The following FBXL7 variants were observed in gnomAD, a reference collection of about 807,000 sequenced individuals.
FBXL7 encodes F-box/LRR-repeat protein 7.
Under a neutral mutation model 38.3 loss-of-function variants are expected in FBXL7, and 12 were observed. That is an observed-to-expected ratio of 0.31 (90% CI 0.20 to 0.51). FBXL7 has a LOEUF of 0.51. FBXL7 is among the 20% of genes least tolerant of loss of function. The probability of loss-of-function intolerance (pLI) is 0.98; values close to 1 mark genes in which losing one functional copy is unlikely to be tolerated. For missense variants in FBXL7, 567 were observed against 676.4 expected (o/e 0.84, Z 1.79); for synonymous variants, 297 against 300.9 (o/e 0.99, Z 0.13).
chr5:15,720,123 G>A (rs1302375580), intron 2 of FBXL7, among the ~76,000 whole-genome samples: 1 of 149,052 alleles, frequency 6.7e-6, no homozygotes, highest in Non-Finnish European at 1.5e-5. Flanking sequence ...GCGTAAAATA[G>A]GATGTTAGCA....
At chr5:15,507,138 T>C (rs531009442) in intron 1 of FBXL7, among the ~76,000 whole-genome samples, 7 of 152,136 alleles carry the variant, frequency 4.6e-5, no homozygotes, top group East Asian at 3.9e-4. Context: ...GCCTGACTTA[T>C]TGGATATGTG....
chr5:15,854,860 G>T (rs958470957), intron 2 of FBXL7, among the ~76,000 whole-genome samples: 37 of 152,024 alleles, frequency 2.4e-4, no homozygotes, highest in African/African-American at 8.7e-4. Flanking sequence ...TAAACTATTC[G>T]ATCATAACAG....
chr5:15,578,429 T>C (rs911806476), intron 1 of FBXL7, among the ~76,000 whole-genome samples: 11 of 152,144 alleles, frequency 7.2e-5, no homozygotes, highest in Admixed American at 3.9e-4. Flanking sequence ...CAAAAAGACA[T>C]TGGGAGTCTG....
At chr5:15,876,438 T>A (rs1579556261) in intron 2 of FBXL7, among the ~76,000 whole-genome samples, 1 of 152,294 alleles carries the variant, frequency 6.6e-6, no homozygotes, top group East Asian at 1.9e-4. Flanking sequence ...TTAAACTAGA[T>A]ACTTATTATG....
chr5:15,621,356 A>G (rs1432064350), intron 2 of FBXL7, among the ~76,000 whole-genome samples: 1 of 152,182 alleles, frequency 6.6e-6, no homozygotes, highest in African/African-American at 2.4e-5. Context: ...ACATTCCAAC[A>G]TTGTAAGACA....
At chr5:15,752,391 T>C (rs1736178413) in intron 2 of FBXL7, among the ~76,000 whole-genome samples, 1 of 152,052 alleles carries the variant, frequency 6.6e-6, no homozygotes, top group African/African-American at 2.4e-5. Context: ...CAGAGCTAAG[T>C]TGGTGAGAAA....
intron 2 of FBXL7, among the ~76,000 whole-genome samples, chr5:15,753,052 T>G (rs1024896759): frequency 3.9e-5 from 6 of 152,168 alleles, no homozygotes; most frequent in Non-Finnish European, 7.3e-5. Context: ...CAAGAAGCAC[T>G]TGGCTACTCT....
Position 15,928,204 on chromosome 5 carries a change from G to T in FBXL7, c.442G>T (p.Ala148Ser), listed in dbSNP as rs1741941730. Residue 148 changes from alanine to serine, a missense_variant, in exon 3 of 4, where the codon GCC becomes TCC. Transcript: ENST00000504595. The surrounding 1 kb of genome is among the most constrained non-coding windows in gnomAD (Gnocchi z 4.0). ...ARVCRRWYNL[A>S]WDPRLWRTIR... ...AGTGTGCCGCCGCTGGTACAACCTG[G>T]CCTGGGACCCGCGGCTCTGGAGGAC... The T allele has an allele frequency of 6.2e-7, 1 of 1,610,060 alleles. No individual in the cohort carries two copies. Among genetic ancestry groups the T allele is most frequent in the African/African-American group, 1.3e-5 (1 of 74,838 alleles).
At chr5:15,503,356 G>A (rs541834694) in intron 1 of FBXL7, among the ~76,000 whole-genome samples, 1 of 152,288 alleles carries the variant, frequency 6.6e-6, no homozygotes, top group African/African-American at 2.4e-5. Flanking sequence ...GGGAGGCGGA[G>A]GTTGCAGTAA....
intron 2 of FBXL7, among the ~76,000 whole-genome samples, chr5:15,650,939 A>C (rs1260589945): frequency 6.6e-6 from 1 of 150,816 alleles, no homozygotes; most frequent in Non-Finnish European, 1.5e-5. Flanking sequence ...CTTCTTCCAA[A>C]CTCCTGTTAA....
At position 15,894,067 on chromosome 5, in the gene FBXL7, G is replaced by A. The variant is rs575278675; in HGVS notation, c.128-33823G>A. On this transcript the variant is annotated intron_variant, in intron 2 of 3. Transcript: ENST00000504595. ...CTTTGGGAGGCCAAGGCGGGCGGTC[G>A]GGAGTTCAAGACCAGCCTGACCAAC... Among the ~76,000 whole-genome samples, 11 of 152,288 alleles carry A rather than the reference G, an allele frequency of 7.2e-5. No individual in the cohort carries two copies. The South Asian group carries it at 1.7e-3, about 23-fold the overall frequency.
intron 2 of FBXL7, among the ~76,000 whole-genome samples, chr5:15,670,672 G>A (rs1340137560): frequency 1.3e-5 from 2 of 152,114 alleles, no homozygotes; most frequent in East Asian, 3.9e-4. Flanking sequence ...GCAATGGCAT[G>A]TGCCTGTATT....
intron 2 of FBXL7, among the ~76,000 whole-genome samples, chr5:15,925,280 C>T (rs2126453326): frequency 6.6e-6 from 1 of 152,292 alleles, no homozygotes; most frequent in African/African-American, 2.4e-5. Flanking sequence ...GGGAAGGGAT[C>T]CTATCCCAAA....
At chr5:15,688,861 T>C (rs1468499454) in intron 2 of FBXL7, among the ~76,000 whole-genome samples, 2 of 152,300 alleles carry the variant, frequency 1.3e-5, no homozygotes, top group East Asian at 3.9e-4. Context: ...GAGTTTTGTT[T>C]AATGATGTAC....
At chr5:15,902,322 G>A (rs1460789621) in intron 2 of FBXL7, among the ~76,000 whole-genome samples, 2 of 152,150 alleles carry the variant, frequency 1.3e-5, no homozygotes, top group South Asian at 2.1e-4. Context: ...TCCACAGTAC[G>A]GAGTGCCAAA....
intron 2 of FBXL7, among the ~76,000 whole-genome samples, chr5:15,727,027 T>A (rs955169490): frequency 6.6e-6 from 1 of 152,170 alleles, no homozygotes; most frequent in African/African-American, 2.4e-5. Flanking sequence ...CCATAAGGAT[T>A]ACATTTAACA....
At chr5:15,900,368 G>T (rs907043097) in intron 2 of FBXL7, among the ~76,000 whole-genome samples, 18 of 152,054 alleles carry the variant, frequency 1.2e-4, no homozygotes, top group African/African-American at 4.3e-4. Flanking sequence ...CTATACCAAA[G>T]AACTGCAAAG....
At chr5:15,624,566 T>G (rs953661263) in intron 2 of FBXL7, among the ~76,000 whole-genome samples, 1 of 152,180 alleles carries the variant, frequency 6.6e-6, no homozygotes, top group African/African-American at 2.4e-5. Flanking sequence ...GTATTTACAT[T>G]TACAAAATAC....
At chr5:15,890,358 C>G (rs144977084) in intron 2 of FBXL7, among the ~76,000 whole-genome samples, 2,094 of 152,242 alleles carry the variant, frequency 0.014, 44 homozygotes, top group African/African-American at 0.046. Flanking sequence ...AAGCGATTCT[C>G]CTGCCTCAGC....
Sources: gnomAD v4.1 joint callset for allele counts (sites outside exome capture counted in the v4.1 genomes callset) on GRCh38, gnomAD v4.1.1 for gene constraint, Gnocchi (gnomAD v3.1) non-coding constraint, MANE v1.5 for transcripts, NCBI Gene and HGNC (gene_info 2026-07-23, HGNC 2026-07-21) for gene names.